CSMD1: variants seen among roughly 807,000 people sequenced by gnomAD.
CSMD1 encodes the protein CUB and sushi domain-containing protein 1.
Under a neutral mutation model 417.5 loss-of-function variants are expected in CSMD1, and 213 were observed. That is an observed-to-expected ratio of 0.51 (90% CI 0.46 to 0.57). CSMD1 has a LOEUF of 0.57. Among genes scored for constraint, CSMD1 ranks in the 20% least tolerant of loss-of-function variants. The pLI, the probability that CSMD1 is intolerant of heterozygous loss-of-function variation, is 0.00. For synonymous variants in CSMD1, 2,862 were observed against 1,736.8 expected (o/e 1.65, Z -16.11); for missense variants, 6,923 against 4,529.7 (o/e 1.53, Z -15.17).
At chr8:4,764,633 G>C (rs531539597) in intron 1 of CSMD1, among the ~76,000 whole-genome samples, 13 of 151,196 alleles carry the variant, frequency 8.6e-5, no homozygotes, top group Admixed American at 6.6e-4. Flanking sequence ...ACTGGATTTA[G>C]ATAATTCTCT....
chr8:4,598,207 G>T (rs1303873635), intron 2 of CSMD1, among the ~76,000 whole-genome samples: 2 of 152,296 alleles, frequency 1.3e-5, no homozygotes, highest in Middle Eastern at 6.8e-3. Flanking sequence ...TTGTAGGGAT[G>T]AATATTTACA....
intron 2 of CSMD1, among the ~76,000 whole-genome samples, chr8:4,558,686 G>T (rs1470923362): frequency 6.6e-6 from 1 of 152,046 alleles, no homozygotes; most frequent in Non-Finnish European, 1.5e-5. Context: ...GGCCAACATG[G>T]TGAAACTCCG....
intron 5 of CSMD1, among the ~76,000 whole-genome samples, chr8:3,787,658 T>C (rs958201318): frequency 2.6e-5 from 4 of 152,196 alleles, no homozygotes; most frequent in Non-Finnish European, 4.4e-5. Context: ...AGCTTGGTAA[T>C]ATAATTTAGT....
At chr8:4,454,893 C>G (rs1158612600) in intron 2 of CSMD1, among the ~76,000 whole-genome samples, 1 of 152,126 alleles carries the variant, frequency 6.6e-6, no homozygotes, top group African/African-American at 2.4e-5. Flanking sequence ...CTGTGATACA[C>G]CTACAGAAAC....
chr8:4,813,181 G>T (rs905311631), intron 1 of CSMD1, among the ~76,000 whole-genome samples: 1 of 152,114 alleles, frequency 6.6e-6, no homozygotes, highest in Admixed American at 6.5e-5. Context: ...TACACTAAAC[G>T]AAATACTGCA....
intron 7 of CSMD1, among the ~76,000 whole-genome samples, chr8:3,655,237 G>C (rs1798043386): frequency 6.6e-6 from 1 of 152,024 alleles, no homozygotes; most frequent in Admixed American, 6.6e-5. Flanking sequence ...TCAAGGTTTT[G>C]GTTACTACAA....
At chr8:3,671,912 G>A (rs1022705718) in intron 7 of CSMD1, among the ~76,000 whole-genome samples, 1 of 152,032 alleles carries the variant, frequency 6.6e-6, no homozygotes, top group Admixed American at 6.6e-5. Context: ...TCTGTCCTGT[G>A]TCGTTAGCCT....
intron 1 of CSMD1, among the ~76,000 whole-genome samples, chr8:4,922,600 T>C (rs148691455): frequency 6.6e-6 from 1 of 152,174 alleles, no homozygotes; most frequent in African/African-American, 2.4e-5. Context: ...ATAGCGCTCA[T>C]GAGAGAAGGT....
At chr8:4,718,169 G>T (rs576798980) in intron 1 of CSMD1, among the ~76,000 whole-genome samples, 62 of 152,142 alleles carry the variant, frequency 4.1e-4, no homozygotes, top group Admixed American at 1.2e-3. Flanking sequence ...TACAGACAGG[G>T]TCTACCTATG....
rs1554506675 is a variant in CSMD1 at position 3,983,135 on chromosome 8, C to CTTTCTTT, written c.818+14767_818+14768insAAAGAAA. ...TATGCATCCTCCCACATCTTTCTTT[C>CTTTCTTT]TTTTTTTTTTTTTGAGACGGACTCT... is the stretch of plus-strand genomic sequence containing the variant. On this transcript the variant is annotated intron_variant, in intron 5 of 69. Coordinates refer to ENST00000635120, the MANE Select transcript of CSMD1 (RefSeq NM_033225.6). 3.4e-3 allele frequency among the ~76,000 whole-genome samples: 453 copies of CTTTCTTT among 133,528 alleles called. 7 individuals carry two copies. The highest frequency in any genetic ancestry group is 0.012 in the African/African-American group (430 of 34,534). 87.6% of individuals were successfully genotyped at this position (133,528 alleles called of 152,430 possible). A position where few individuals can be genotyped will look rare whatever the true frequency, so the allele number is the denominator to read the frequency against.
chr8:3,263,947 T>G (rs952429410), intron 26 of CSMD1, among the ~76,000 whole-genome samples: 2 of 152,258 alleles, frequency 1.3e-5, no homozygotes, highest in African/African-American at 4.8e-5. Flanking sequence ...CATTTAAACT[T>G]TGAATGCAGC....
At chr8:4,706,641 G>A (rs1309991633) in intron 1 of CSMD1, among the ~76,000 whole-genome samples, 1 of 152,192 alleles carries the variant, frequency 6.6e-6, no homozygotes, top group African/African-American at 2.4e-5. Context: ...TAGGAGTGAA[G>A]AAATAAAGAT....
chr8:2,962,747 C>A, intron 60 of CSMD1, 108 bp from the exon 61 acceptor site: 1 of 1,199,276 alleles, frequency 8.3e-7, no homozygotes, highest in Non-Finnish European at 1.1e-6. Context: ...AACTATTAAA[C>A]AAGAAAAACG....
rs1006578326 is a variant in CSMD1 at position 4,415,512 on chromosome 8, C to T, written c.415+4441G>A. Among the ~76,000 whole-genome samples, 5 of 152,156 alleles carry T rather than the reference C, an allele frequency of 3.3e-5. No individual in the cohort carries two copies. In the South Asian group the frequency reaches 8.3e-4, roughly 25 times the overall value. On this transcript the variant is annotated intron_variant, in intron 3 of 69. Coordinates refer to ENST00000635120, the MANE Select transcript of CSMD1 (RefSeq NM_033225.6). ...ATGGCCCACGTAGACCTGCTCTTTC[C>T]CTTGCTCTTCCGCCCTGTTTTATAA...
intron 2 of CSMD1, among the ~76,000 whole-genome samples, chr8:4,510,864 CCCTT>C (rs1373594348): frequency 2.3e-5 from 3 of 133,184 alleles, no homozygotes; most frequent in Admixed American, 7.5e-5. Flanking sequence ...CCCTTCCCTT[CCCTT>C]CCTTCCTTCC....
chr8:3,324,366 G>A (rs571398728), intron 23 of CSMD1, among the ~76,000 whole-genome samples: 40 of 150,060 alleles, frequency 2.7e-4, no homozygotes, highest in African/African-American at 9.3e-4. Flanking sequence ...CTAATCCCCA[G>A]GGACCCAGGA....
rs999219736 is a variant in CSMD1, at chr8:3,751,750, C to T, written c.931+2180G>A. On this transcript the variant is annotated intron_variant, in intron 6 of 69. Coordinates refer to ENST00000635120, the MANE Select transcript of CSMD1 (RefSeq NM_033225.6). ...TGGAGCAGCTTCAAAGTTGATATTC[C>T]ATTTTTAACCTTTCTTTCAATTACA... Among the ~76,000 whole-genome samples, 38 of 151,798 alleles carry T rather than the reference C, an allele frequency of 2.5e-4. 1 individual carries two copies. Among genetic ancestry groups the T allele is most frequent in the African/African-American group, 7.3e-4 (30 of 41,288 alleles).
At chr8:4,428,498 A>C (rs1797691036) in intron 2 of CSMD1, among the ~76,000 whole-genome samples, 1 of 152,178 alleles carries the variant, frequency 6.6e-6, no homozygotes, top group African/African-American at 2.4e-5. Flanking sequence ...GCATATGTGT[A>C]TCTCTCTCTA....
At chr8:4,253,399 C>G (rs1399037738) in intron 3 of CSMD1, among the ~76,000 whole-genome samples, 1 of 150,770 alleles carries the variant, frequency 6.6e-6, no homozygotes, top group Non-Finnish European at 1.5e-5. Flanking sequence ...TCCATAATCT[C>G]AAATTTATAT....
Sources: allele counts gnomAD v4.1 joint callset (sites outside exome capture counted in the v4.1 genomes callset), GRCh38; gene constraint gnomAD v4.1.1; transcripts MANE v1.5; gene names NCBI Gene and HGNC (gene_info 2026-07-23, HGNC 2026-07-21).